The following PRKCE variants were observed in gnomAD, a reference collection of about 807,000 sequenced individuals.
PRKCE encodes the protein protein kinase C epsilon type.
A neutral mutation model predicts 85.4 loss-of-function variants in PRKCE; 16 were observed. That is an observed-to-expected ratio of 0.19 (90% CI 0.13 to 0.28). PRKCE has a LOEUF of 0.28. Among genes scored for constraint, PRKCE ranks in the 10% least tolerant of loss-of-function variants. The pLI is 1.00. For synonymous variants in PRKCE, 388 were observed against 371.5 expected, an observed-to-expected ratio of 1.04 and a Z score of -0.51; for missense variants, 573 against 975.2, an observed-to-expected ratio of 0.59 and a Z score of 5.49.
intron 10 of PRKCE, among the ~76,000 whole-genome samples, chr2:46,081,222 A>G (rs1669044961): frequency 6.6e-6 from 1 of 152,094 alleles, no homozygotes; most frequent in African/African-American, 2.4e-5. Context: ...CCATCCTGCC[A>G]CCTCAGCCTC....
intron 1 of PRKCE, among the ~76,000 whole-genome samples, chr2:45,708,781 A>G (rs1011813677): frequency 2.0e-5 from 3 of 152,166 alleles, no homozygotes; most frequent in Admixed American, 6.5e-5. Context: ...CCAGCCCACA[A>G]AAACCTCCTG....
chr2:45,795,168 C>T (rs1184135543), intron 1 of PRKCE, among the ~76,000 whole-genome samples: 7 of 152,220 alleles, frequency 4.6e-5, no homozygotes, highest in Non-Finnish European at 1.0e-4. Context: ...CTCACAGTTT[C>T]TGGTCTTCCT....
intron 11 of PRKCE, among the ~76,000 whole-genome samples, chr2:46,143,304 T>A (rs1247086817): frequency 1.3e-5 from 2 of 152,000 alleles, no homozygotes; most frequent in Non-Finnish European, 2.9e-5. Flanking sequence ...GTGTGTGTCA[T>A]GGGGGTTGGC....
rs889196880 is a variant in PRKCE, at chr2:45,697,220, G to A, written c.348+44772G>A. Among the ~76,000 whole-genome samples the A allele has an allele frequency of 7.9e-5, 12 of 152,120 alleles. No homozygotes were observed. Among genetic ancestry groups the A allele is most frequent in the African/African-American group, 2.9e-4 (12 of 41,418 alleles). On this transcript the variant is annotated intron_variant, in intron 1 of 14. Transcript: ENST00000306156. The surrounding 1 kb of genome is among the most constrained non-coding windows in gnomAD (Gnocchi z 4.2). ...CAAAGAGTCCATGCTCTACCTGGGA[G>A]GGCCTGTGTAGGTGAAGAGGGGGCG...
intron 10 of PRKCE, among the ~76,000 whole-genome samples, chr2:46,063,106 C>CGA (rs1667304623): frequency 6.6e-6 from 1 of 152,136 alleles, no homozygotes; most frequent in African/African-American, 2.4e-5. Flanking sequence ...GCTTTTGCCA[C>CGA]GAGAGGGCGA....
chr2:46,021,023 A>G (rs766794404), intron 10 of PRKCE, among the ~76,000 whole-genome samples: 1 of 152,196 alleles, frequency 6.6e-6, no homozygotes, highest in Non-Finnish European at 1.5e-5. Context: ...GAGTTAAGTG[A>G]TAAAGCTGGG....
intron 10 of PRKCE, among the ~76,000 whole-genome samples, chr2:46,066,834 G>A (rs1410567885): frequency 6.6e-6 from 1 of 152,162 alleles, no homozygotes; most frequent in East Asian, 1.9e-4. Context: ...TCTTATCATT[G>A]CTTCTTTTTT....
At chr2:45,678,337 T>C (rs1005981617) in intron 1 of PRKCE, among the ~76,000 whole-genome samples, 9 of 152,234 alleles carry the variant, frequency 5.9e-5, no homozygotes, top group African/African-American at 2.2e-4. Flanking sequence ...ATTTTGGCAT[T>C]TGTTACTGGT....
At chr2:46,029,873 C>T (rs777235634) in intron 10 of PRKCE, among the ~76,000 whole-genome samples, 6 of 151,950 alleles carry the variant, frequency 3.9e-5, no homozygotes, top group South Asian at 2.1e-4. Context: ...TTGCTGGGGT[C>T]CTTGTACCAG....
intron 2 of PRKCE, among the ~76,000 whole-genome samples, chr2:45,951,434 C>T (rs1700611944): frequency 6.6e-6 from 1 of 152,214 alleles, no homozygotes; most frequent in Admixed American, 6.5e-5. Context: ...ACTCTGACTT[C>T]CTCACTGAGA....
chr2:46,090,107 C>T (rs1261547465), intron 11 of PRKCE, among the ~76,000 whole-genome samples: 1 of 152,120 alleles, frequency 6.6e-6, no homozygotes, highest in Non-Finnish European at 1.5e-5. Flanking sequence ...GGATGATGGG[C>T]ACTTGGAGTT....
intron 2 of PRKCE, among the ~76,000 whole-genome samples, chr2:45,956,559 C>T (rs1700989977): frequency 6.6e-6 from 1 of 151,990 alleles, no homozygotes; most frequent in African/African-American, 2.4e-5. Flanking sequence ...GTGGCATGCA[C>T]CTGTAGTCCC....
At chr2:46,092,633 C>A (rs988567497) in intron 11 of PRKCE, among the ~76,000 whole-genome samples, 1 of 152,200 alleles carries the variant, frequency 6.6e-6, no homozygotes, top group African/African-American at 2.4e-5. Context: ...CTTGTTCTCT[C>A]CAGAGCTGGG....
At chr2:46,002,994 G>C (rs1704831015) in intron 7 of PRKCE, among the ~76,000 whole-genome samples, 1 of 152,230 alleles carries the variant, frequency 6.6e-6, no homozygotes, top group Non-Finnish European at 1.5e-5. Flanking sequence ...GACATTGTCT[G>C]CCTTGTCTTG....
chr2:45,900,475 A>G (rs1284486796), intron 2 of PRKCE, among the ~76,000 whole-genome samples: 2 of 152,244 alleles, frequency 1.3e-5, no homozygotes, highest in Admixed American at 1.3e-4. Context: ...GCCATGGACA[A>G]ACTTTGAAAA....
Position 45,774,546 on chromosome 2 carries a change from G to A in PRKCE, c.349-68454G>A, listed in dbSNP as rs1573302803. Among the ~76,000 whole-genome samples, 1 of 152,132 alleles carries A rather than the reference G, an allele frequency of 6.6e-6. No individual in the cohort carries two copies. The highest frequency in any genetic ancestry group is 1.9e-4 in the East Asian group (1 of 5,184). ...ATCATGCCAAAGCACCCCATGCCTT[G>A]GGGAAAGCTGAATGCCAGGAATCGG... On this transcript the variant is annotated intron_variant, in intron 1 of 14. Transcript: ENST00000306156. The surrounding 1 kb of genome is among the most constrained non-coding windows in gnomAD (Gnocchi z 4.3).
intron 2 of PRKCE, among the ~76,000 whole-genome samples, chr2:45,942,934 C>G (rs1484393972): frequency 2.0e-5 from 3 of 152,142 alleles, no homozygotes; most frequent in Non-Finnish European, 4.4e-5. Context: ...AGTTGTCCCC[C>G]CAACCTCTTA....
chr2:45,764,450 CT>C (rs531902475), intron 1 of PRKCE, among the ~76,000 whole-genome samples: 3 of 152,312 alleles, frequency 2.0e-5, no homozygotes, highest in African/African-American at 7.2e-5. Context: ...ACTAATTAAT[CT>C]TCTAACTGGC....
intron 1 of PRKCE, among the ~76,000 whole-genome samples, chr2:45,736,151 G>A (rs1682038876): frequency 6.6e-6 from 1 of 152,092 alleles, no homozygotes; most frequent in Admixed American, 6.5e-5. Flanking sequence ...AGTAGAGACA[G>A]GTTTTCACCA....
Sources: allele counts gnomAD v4.1 joint callset (sites outside exome capture counted in the v4.1 genomes callset), GRCh38; gene constraint gnomAD v4.1.1; non-coding constraint Gnocchi (gnomAD v3.1); transcripts MANE v1.5; gene names NCBI Gene and HGNC (gene_info 2026-07-23, HGNC 2026-07-21).